The following RGS6 variants were observed in gnomAD, a reference collection of about 807,000 sequenced individuals.
RGS6 encodes the protein regulator of G-protein signaling 6.
RGS6 carries 30 observed loss-of-function variants against 78.5 expected under a neutral mutation model. The ratio of observed to expected loss-of-function variants is 0.38; its 90% CI spans 0.29 to 0.52. The LOEUF is 0.52. Ranked by LOEUF, RGS6 falls within the 20% of genes least tolerant of loss-of-function variation. The pLI, the probability that RGS6 is intolerant of heterozygous loss-of-function variation, is 0.85. For synonymous variants in RGS6, 206 were observed against 206.0 expected (o/e 1.00, Z 0.00); for missense variants, 495 against 609.7 (o/e 0.81, Z 1.98).
At chr14:72,293,748 A>T (rs866268028) in intron 2 of RGS6, among the ~76,000 whole-genome samples, 1 of 152,222 alleles carries the variant, frequency 6.6e-6, no homozygotes, top group Non-Finnish European at 1.5e-5. Context: ...GAAGAAAATG[A>T]ATATCAGACA....
intron 2 of RGS6, among the ~76,000 whole-genome samples, chr14:72,278,833 C>G (rs2061117894): frequency 6.6e-6 from 1 of 152,090 alleles, no homozygotes; most frequent in Admixed American, 6.5e-5. Flanking sequence ...CATTTATTCT[C>G]TCATACTTCC....
chr14:72,509,346 C>G (rs1187132595), intron 13 of RGS6, among the ~76,000 whole-genome samples: 1 of 146,046 alleles, frequency 6.8e-6, no homozygotes, highest in Non-Finnish European at 1.5e-5. Context: ...GCCTGGGCGG[C>G]AAAGTGAGAC....
intron 2 of RGS6, among the ~76,000 whole-genome samples, chr14:72,340,559 A>G (rs1206454834): frequency 9.9e-5 from 15 of 152,142 alleles, no homozygotes; most frequent in Non-Finnish European, 1.9e-4. Context: ...GAGGTGGGCC[A>G]TCTGGGGGCA....
chr14:72,197,468 T>C (rs368727205), intron 2 of RGS6, among the ~76,000 whole-genome samples: 14 of 152,164 alleles, frequency 9.2e-5, no homozygotes, highest in Admixed American at 6.5e-4. Flanking sequence ...ATGTTTCCAC[T>C]GTCCTGCGAG....
chr14:72,218,955 G>A (rs2046239202), intron 2 of RGS6, among the ~76,000 whole-genome samples: 1 of 151,756 alleles, frequency 6.6e-6, no homozygotes, highest in Non-Finnish European at 1.5e-5. Context: ...TGAACTCATG[G>A]CCAGCAATAT....
chr14:72,553,516 A>T (rs190838737), intron 17 of RGS6, among the ~76,000 whole-genome samples: 4 of 151,716 alleles, frequency 2.6e-5, no homozygotes, highest in Non-Finnish European at 5.9e-5. Context: ...GGCAGCACCC[A>T]TTTCTTGGTG....
chr14:72,376,525 C>T (rs1274142413), intron 3 of RGS6, among the ~76,000 whole-genome samples: 2 of 152,110 alleles, frequency 1.3e-5, no homozygotes, highest in Non-Finnish European at 2.9e-5. Context: ...CCCCACAGGT[C>T]CTCTCTGAGG....
chr14:72,465,354 A>G (rs1256307563), intron 6 of RGS6, among the ~76,000 whole-genome samples: 1 of 152,140 alleles, frequency 6.6e-6, no homozygotes, highest in African/African-American at 2.4e-5. Flanking sequence ...AGGAGGAAGA[A>G]GGGGAGTTGT....
intron 2 of RGS6, among the ~76,000 whole-genome samples, chr14:72,266,980 G>A (rs1344224100): frequency 2.8e-5 from 4 of 145,286 alleles, no homozygotes; most frequent in Non-Finnish European, 4.5e-5. Flanking sequence ...CATGAGCTAA[G>A]CACGATTGTC....
chr14:72,246,301 A>G (rs12148024), intron 2 of RGS6, among the ~76,000 whole-genome samples: 62,962 of 152,030 alleles, frequency 0.41, 13,942 homozygotes, highest in Non-Finnish European at 0.5. Context: ...TACGTTTAAA[A>G]AGTAGGTTCA....
At chr14:71,872,738 C>A in the RGS6 span, among the ~76,000 whole-genome samples, 49,769 of 152,044 alleles carry the variant, frequency 0.33, 8,430 homozygotes, top group South Asian at 0.43. Context: ...TGGTGTGCTG[C>A]ACCCATTAAC....
intron 2 of RGS6, among the ~76,000 whole-genome samples, chr14:72,264,193 A>G (rs1240912171): frequency 6.6e-6 from 1 of 152,222 alleles, no homozygotes; most frequent in East Asian, 1.9e-4. Flanking sequence ...TAAACAAGGG[A>G]TCCCGAATTT....
At chr14:72,349,731 G>A (rs939185175) in intron 2 of RGS6, among the ~76,000 whole-genome samples, 24 of 152,322 alleles carry the variant, frequency 1.6e-4, no homozygotes, top group African/African-American at 5.5e-4. Flanking sequence ...GTCGTGTGGT[G>A]AAATAACTAA....
intron 1 of RGS6, among the ~76,000 whole-genome samples, chr14:71,957,793 C>G (rs1334255425): frequency 6.6e-6 from 1 of 152,024 alleles, no homozygotes; most frequent in East Asian, 1.9e-4. Flanking sequence ...AGAGATCAGT[C>G]CTCACCCTGT....
chr14:72,037,430 G>A (rs1442121012), intron 2 of RGS6, among the ~76,000 whole-genome samples: 3 of 152,162 alleles, frequency 2.0e-5, no homozygotes, highest in Non-Finnish European at 4.4e-5. Context: ...TCACCAGAAG[G>A]AAGAAACTCT....
At chr14:72,497,127 G>A (rs2096655650) in intron 13 of RGS6, among the ~76,000 whole-genome samples, 1 of 152,054 alleles carries the variant, frequency 6.6e-6, no homozygotes, top group East Asian at 1.9e-4. Flanking sequence ...TCGTAGAAAT[G>A]GTATGCATAT....
chr14:72,235,266 A>G (rs2050717061), intron 2 of RGS6, among the ~76,000 whole-genome samples: 1 of 152,098 alleles, frequency 6.6e-6, no homozygotes, highest in African/African-American at 2.4e-5. Context: ...GAGGTGACAG[A>G]AGGGAGGAAA....
intron 15 of RGS6, among the ~76,000 whole-genome samples, chr14:72,520,606 A>G (rs751463882): frequency 2.0e-5 from 3 of 152,228 alleles, no homozygotes; most frequent in Non-Finnish European, 4.4e-5. Context: ...CTCCACCACT[A>G]TGGTATTAAC....
chr14:72,110,010 GAA>G (rs770070995), intron 2 of RGS6, among the ~76,000 whole-genome samples: 38 of 152,182 alleles, frequency 2.5e-4, no homozygotes, highest in Non-Finnish European at 4.7e-4. Flanking sequence ...ACCAAAAAAA[GAA>G]AACTTTCTGA....
Sources: gnomAD v4.1 joint callset for allele counts (sites outside exome capture counted in the v4.1 genomes callset) on GRCh38, gnomAD v4.1.1 for gene constraint, MANE v1.5 for transcripts, NCBI Gene and HGNC (gene_info 2026-07-23, HGNC 2026-07-21) for gene names.